The following BBS9 variants were observed in gnomAD, a reference collection of about 807,000 sequenced individuals.
BBS9 encodes the protein protein PTHB1.
A neutral mutation model predicts 117.7 loss-of-function variants in BBS9; 89 were observed. That is an observed-to-expected ratio of 0.76 (90% CI 0.64 to 0.90). The LOEUF is 0.90. Ranked by LOEUF, BBS9 falls within the 40% of genes least tolerant of loss-of-function variation. The probability of loss-of-function intolerance (pLI) is 0.00; values close to 1 mark genes in which losing one functional copy is unlikely to be tolerated. For synonymous variants in BBS9, 379 were observed against 370.9 expected (o/e 1.02, Z -0.25); for missense variants, 982 against 1,042.2 (o/e 0.94, Z 0.80).
At chr7:33,181,698 A>T (rs1396981278) in intron 5 of BBS9, among the ~76,000 whole-genome samples, 1 of 152,238 alleles carries the variant, frequency 6.6e-6, no homozygotes, top group Non-Finnish European at 1.5e-5. Flanking sequence ...ACTTTAGCCG[A>T]TATGTTCACA....
intron 5 of BBS9, among the ~76,000 whole-genome samples, chr7:33,199,869 CCTTG>C (rs1785554285): frequency 6.6e-6 from 1 of 151,508 alleles, no homozygotes; most frequent in Non-Finnish European, 1.5e-5. Context: ...TTATTTTAAG[CCTTG>C]CAAGAGCCCA....
At chr7:33,132,228 G>A (rs956669609) in intron 1 of BBS9, among the ~76,000 whole-genome samples, 1 of 152,196 alleles carries the variant, frequency 6.6e-6, no homozygotes, top group Non-Finnish European at 1.5e-5. Context: ...GGGTTCTGGA[G>A]TAGACAGTCT....
In BBS9 at chr7:33,542,699, ATGTGTG is replaced by A. The variant is rs200416682; in HGVS notation, c.2521+8551_2521+8556del. The stretch of plus-strand genomic sequence containing the variant: ...GCCTGCGTAGTATTCCATTATATAT[ATGTGTG>A]TGTGTGTGTGTGTGTGTGTGTGTGT... On this transcript the variant is annotated intron_variant, in intron 21 of 22. Coordinates refer to ENST00000242067, the MANE Select transcript of BBS9 (RefSeq NM_198428.3). Among the ~76,000 whole-genome samples the A allele has an allele frequency of 9.9e-3, 1,449 of 145,936 alleles. 29 individuals are homozygous for A. Among genetic ancestry groups the A allele is most frequent in the East Asian group, 0.033 (159 of 4,874 alleles).
At chr7:33,466,111 A>G (rs1257150378) in intron 19 of BBS9, among the ~76,000 whole-genome samples, 1 of 152,110 alleles carries the variant, frequency 6.6e-6, no homozygotes, top group Non-Finnish European at 1.5e-5. Context: ...CCACCATCAA[A>G]CTAGTTAACA....
chr7:33,405,313 G>A (rs1166240309), intron 19 of BBS9, among the ~76,000 whole-genome samples: 2 of 151,914 alleles, frequency 1.3e-5, no homozygotes, highest in African/African-American at 4.8e-5. Flanking sequence ...CTCTTTTTTG[G>A]TTGTGTCTCT....
At chr7:33,503,002 G>A (rs374967280) in intron 19 of BBS9, among the ~76,000 whole-genome samples, 5 of 151,870 alleles carry the variant, frequency 3.3e-5, no homozygotes, top group East Asian at 1.9e-4. Context: ...TTTCTTTTTA[G>A]TAGCTTTCTA....
rs183892634 is a variant in BBS9 at position 33,347,084 on chromosome 7, A to G, written c.1330-1984A>G. On this transcript the variant is annotated intron_variant, in intron 12 of 22. Coordinates refer to ENST00000242067, the MANE Select transcript of BBS9 (RefSeq NM_198428.3). ...GTTAAATTGTGGTTCTGCCACTTGC[A>G]ATCAAAGTGGCCTTGGGCAAATTAC... is the stretch of plus-strand genomic sequence containing the variant. 7.9e-5 allele frequency among the ~76,000 whole-genome samples: 12 copies of G among 152,302 alleles called. 1 individual carries two copies. The highest frequency in any genetic ancestry group is 7.8e-4 in the Admixed American group (12 of 15,298).
At chr7:33,189,883 TAAA>T (rs372582478) in intron 5 of BBS9, among the ~76,000 whole-genome samples, 5 of 127,148 alleles carry the variant, frequency 3.9e-5, no homozygotes, top group Admixed American at 8.2e-5. Context: ...GACTCTGTCT[TAAA>T]AAAAAAAAAA....
intron 19 of BBS9, among the ~76,000 whole-genome samples, chr7:33,452,510 C>T (rs781159332): frequency 6.6e-6 from 1 of 152,094 alleles, no homozygotes; most frequent in Non-Finnish European, 1.5e-5. Context: ...CTAGCCTCAG[C>T]GTTCTTATTT....
At chr7:33,593,513 T>G (rs893747919) in intron 21 of BBS9, among the ~76,000 whole-genome samples, 1 of 152,060 alleles carries the variant, frequency 6.6e-6, no homozygotes, top group Non-Finnish European at 1.5e-5. Context: ...AAAAAACAGA[T>G]GTAATGCAAA....
chr7:33,306,190 G>A (rs186714823), intron 9 of BBS9, among the ~76,000 whole-genome samples: 1 of 151,994 alleles, frequency 6.6e-6, no homozygotes, highest in Admixed American at 6.5e-5. Context: ...GTTTCCATGT[G>A]TTTGTATACT....
In BBS9 at chr7:33,300,058, G is replaced by A. The variant is rs1026962642; in HGVS notation, c.1016+26102G>A. On this transcript the variant is annotated intron_variant, in intron 9 of 22. Coordinates refer to ENST00000242067, the MANE Select transcript of BBS9 (RefSeq NM_198428.3). ...ACTAACAACAATGGGAACTATTACCGTTCCTGTATCTGAAAGGGCCAGAGA... is the reference window on the plus strand; with the variant it reads ...ACTAACAACAATGGGAACTATTACCATTCCTGTATCTGAAAGGGCCAGAGA... 3.2e-4 allele frequency among the ~76,000 whole-genome samples: 48 copies of A among 152,284 alleles called. 1 individual carries two copies. Among genetic ancestry groups the A allele is most frequent in the African/African-American group, 1.1e-3 (47 of 41,568 alleles).
At chr7:33,230,213 G>A (rs573465671) in intron 5 of BBS9, among the ~76,000 whole-genome samples, 2 of 152,142 alleles carry the variant, frequency 1.3e-5, no homozygotes, top group African/African-American at 2.4e-5. Context: ...CTACCATTTC[G>A]TTGATTGTTT....
At chr7:33,198,889 A>G (rs564690052) in intron 5 of BBS9, among the ~76,000 whole-genome samples, 1 of 151,968 alleles carries the variant, frequency 6.6e-6, no homozygotes. Context: ...CAGTGGTTTT[A>G]ATGTGGGTCC....
chr7:33,185,836 A>T (rs1321511777), intron 5 of BBS9, among the ~76,000 whole-genome samples: 1 of 152,206 alleles, frequency 6.6e-6, no homozygotes, highest in Non-Finnish European at 1.5e-5. Context: ...AAATTATGGA[A>T]AGGCAGTGGG....
intron 9 of BBS9, among the ~76,000 whole-genome samples, chr7:33,300,066 A>C (rs953078196): frequency 4.6e-5 from 7 of 152,204 alleles, no homozygotes; most frequent in African/African-American, 1.7e-4. Flanking sequence ...CCGTTCCTGT[A>C]TCTGAAAGGG....
chr7:33,362,461 T>C (rs1820802288), intron 16 of BBS9, among the ~76,000 whole-genome samples: 1 of 152,178 alleles, frequency 6.6e-6, no homozygotes, highest in African/African-American at 2.4e-5. Context: ...GAGGGATGGA[T>C]GAAATTCATG....
intron 5 of BBS9, among the ~76,000 whole-genome samples, chr7:33,228,814 AGAG>A (rs1398511247): frequency 3.3e-5 from 5 of 152,096 alleles, no homozygotes; most frequent in African/African-American, 1.2e-4. Flanking sequence ...AGGAGGAGAA[AGAG>A]GAGGTGACCC....
At chr7:33,498,508 C>G (rs1288498740) in intron 19 of BBS9, among the ~76,000 whole-genome samples, 1 of 152,104 alleles carries the variant, frequency 6.6e-6, no homozygotes, top group Non-Finnish European at 1.5e-5. Context: ...CTTCCCATTC[C>G]TCCTATTTAC....
Sources: gnomAD v4.1 joint callset for allele counts (sites outside exome capture counted in the v4.1 genomes callset) on GRCh38, gnomAD v4.1.1 for gene constraint, MANE v1.5 for transcripts, NCBI Gene and HGNC (gene_info 2026-07-23, HGNC 2026-07-21) for gene names.